Variants in GNPTAB observed in about 807,000 individuals in gnomAD.
GNPTAB encodes the protein N-acetylglucosamine-1-phosphate transferase subunits alpha and beta.
GNPTAB carries 92 observed loss-of-function variants against 136.6 expected under a neutral mutation model. The observed-to-expected ratio is 0.67, with a 90% CI of 0.57 to 0.80. The LOEUF (loss-of-function observed/expected upper bound fraction) is 0.80. GNPTAB is among the 30% of genes least tolerant of loss of function. The pLI is 0.00. For missense variants in GNPTAB, 1,343 were observed against 1,501.8 expected (o/e 0.89, Z 1.75); for synonymous variants, 512 against 535.1 (o/e 0.96, Z 0.60).
rs1295758091 is a variant in GNPTAB, at chr12:101,762,900, A to AT, written c.2716-1138dup. On this transcript the variant is annotated intron_variant, in intron 13 of 20. Coordinates refer to ENST00000299314, the MANE Select transcript of GNPTAB (RefSeq NM_024312.5). The stretch of plus-strand genomic sequence containing the variant: ...CTACTAGCCTATAATGCTTTTGTAA[A>AT]TTTAAAAAAAAAAAAAAAAAAAAAG... Among the ~76,000 whole-genome samples the AT allele has an allele frequency of 1.6e-3, 208 of 127,630 alleles. 1 individual carries two copies. Among genetic ancestry groups the AT allele is most frequent in the Admixed American group, 3.5e-3 (43 of 12,296 alleles). 83.7% of individuals were successfully genotyped at this position (127,630 alleles called of 152,430 possible).
chr12:101,770,229 G>A, intron 9 of GNPTAB, 38 bp from the exon 10 acceptor site: 1 of 1,606,802 alleles, frequency 6.2e-7, no homozygotes, highest in African/African-American at 1.3e-5. Flanking sequence ...GAGTGAATGA[G>A]AGCTGTTTGG....
rs777452855 is a variant in GNPTAB, at chr12:101,761,799, G to A, written c.2716-36C>T. On this transcript the variant is annotated intron_variant, in intron 13 of 20. Transcript: ENST00000299314. ...AATTCTACATGTAACTCAGCATTAT[G>A]TTTAGTGCACAAGTGTACTTTGTTA... 67 of 1,418,374 alleles carry A rather than the reference G, an allele frequency of 4.7e-5. No individual in the cohort carries two copies. In the Middle Eastern group the frequency reaches 1.2e-3, roughly 26 times the overall value. 87.9% of individuals were successfully genotyped at this position (1,418,374 alleles called of 1,614,324 possible). A position where few individuals can be genotyped will look rare whatever the true frequency, so the allele number is the denominator to read the frequency against.
At chr12:101,779,959 C>A in intron 7 of GNPTAB, 193 bp downstream of exon 7, 1 of 628,264 alleles carries the variant, frequency 1.6e-6, no homozygotes. Flanking sequence ...AGGAAACAAG[C>A]AAACCAAATA....
chr12:101,779,773 C>A, intron 7 of GNPTAB: 1 of 265,762 alleles, frequency 3.8e-6, no homozygotes, highest in Non-Finnish European at 7.4e-6. Flanking sequence ...ACTGCTGCAT[C>A]CCCAGCAGCT....
chr12:101,784,900 G>A (rs557518697), intron 5 of GNPTAB, among the ~76,000 whole-genome samples: 1 of 152,254 alleles, frequency 6.6e-6, no homozygotes, highest in Non-Finnish European at 1.5e-5. Flanking sequence ...ATGCAGAGGA[G>A]GAATGAGACA....
intron 12 of GNPTAB, chr12:101,765,723 CT>C (rs1398894256): frequency 5.4e-5 from 18 of 331,808 alleles, no homozygotes; most frequent in African/African-American, 3.9e-4. Context: ...AAAAAACTTT[CT>C]GCCAAAACAA....
chr12:101,801,868 C>A (rs932761149), intron 1 of GNPTAB, among the ~76,000 whole-genome samples: 2 of 151,704 alleles, frequency 1.3e-5, no homozygotes, highest in African/African-American at 4.9e-5. Flanking sequence ...CATAGTAAGA[C>A]CTTGTCTCTT....
At position 101,749,121 on chromosome 12, in the gene GNPTAB, A is replaced by G. The variant is rs776148227; in HGVS notation, c.3673T>C (p.Phe1225Leu). The change falls in exon 20 of 21, where the codon TTC (phenylalanine) becomes CTC (leucine). Residue 1225 changes from phenylalanine (F) to leucine (L), a missense_variant. Coordinates refer to ENST00000299314, the MANE Select transcript of GNPTAB (RefSeq NM_024312.5). ...VLATLIMFTI[F>L]SFFAEQLIAL... The stretch of plus-strand genomic sequence containing the variant: ...CTTACCTGCTCAGCAAAAAATGAGA[A>G]TATAGTAAACATAATCAATGTTGCT... 2.5e-6 allele frequency: 4 copies of G among 1,608,312 alleles called. No homozygotes were observed. In the East Asian group the frequency reaches 8.9e-5, roughly 36 times the overall value.
rs369274388 is a variant in GNPTAB, at chr12:101,791,368, G to A, written c.204-1311C>T. Among the ~76,000 whole-genome samples, 7 of 151,272 alleles carry A rather than the reference G, an allele frequency of 4.6e-5. No individual in the cohort carries two copies. In the East Asian group the frequency reaches 7.8e-4, roughly 17 times the overall value. On this transcript the variant is annotated intron_variant, in intron 2 of 20. Coordinates refer to ENST00000299314, the MANE Select transcript of GNPTAB (RefSeq NM_024312.5). The stretch of plus-strand genomic sequence containing the variant: ...ACTGATACTACTTTAGATCAGCAGT[G>A]TCCAATCTTTTGGCTTCCCTGGGCC...
intron 1 of GNPTAB, among the ~76,000 whole-genome samples, chr12:101,814,765 T>C (rs917961720): frequency 7.2e-5 from 11 of 152,302 alleles, no homozygotes; most frequent in African/African-American, 2.6e-4. Context: ...TCATAAATAA[T>C]AACTATATTT....
intron 20 of GNPTAB, 96 bp downstream of exon 20, chr12:101,749,005 A>G (rs1406372318): frequency 7.7e-6 from 6 of 781,242 alleles, no homozygotes; most frequent in African/African-American, 1.7e-5. Context: ...AGAAGTTAAA[A>G]TTTTGATTGT....
intron 5 of GNPTAB, among the ~76,000 whole-genome samples, chr12:101,781,705 T>A (rs756724065): frequency 6.6e-6 from 1 of 151,924 alleles, no homozygotes; most frequent in African/African-American, 2.4e-5. Flanking sequence ...AAAAACAATA[T>A]AGTTGGTGAG....
At chr12:101,798,845 A>G (rs1869449351) in intron 1 of GNPTAB, among the ~76,000 whole-genome samples, 1 of 152,186 alleles carries the variant, frequency 6.6e-6, no homozygotes, top group African/African-American at 2.4e-5. Context: ...TTTCATATTT[A>G]GTGCAATACC....
chr12:101,782,847 G>A (rs903082235), intron 5 of GNPTAB, among the ~76,000 whole-genome samples: 1 of 151,982 alleles, frequency 6.6e-6, no homozygotes. Context: ...ATACACTCCT[G>A]CCTCAGGGCC....
intron 1 of GNPTAB, among the ~76,000 whole-genome samples, chr12:101,824,430 A>ATT (rs1186690337): frequency 2.3e-4 from 18 of 78,822 alleles, no homozygotes; most frequent in South Asian, 9.8e-4. Context: ...ATATATATAT[A>ATT]TATTTTCTTT....
Position 101,764,580 on chromosome 12 carries a change from T to C in GNPTAB, c.2337A>G (p.Leu779=), listed in dbSNP as rs1953056692. The change falls in exon 13 of 21, where the codon TTA becomes TTG. Residue 779 remains leucine (L), a synonymous_variant. Coordinates refer to ENST00000299314, the MANE Select transcript of GNPTAB (RefSeq NM_024312.5). ...ACCTCTGCAATCTTTCAGACACTCC[T>C]AAGCTGTTTGGCAAGATGCTTTTAT... is the stretch of plus-strand genomic sequence containing the variant. ...QVHKSILPNS[L]GVSERLQRLT... 6.2e-7 allele frequency: 1 copy of C among 1,613,948 alleles called. No homozygotes were observed. The highest frequency in any genetic ancestry group is 1.3e-5 in the African/African-American group (1 of 74,936).
At chr12:101,786,880 G>A (rs1358183289) in intron 4 of GNPTAB, among the ~76,000 whole-genome samples, 1 of 152,126 alleles carries the variant, frequency 6.6e-6, no homozygotes, top group Non-Finnish European at 1.5e-5. Context: ...AGAAAACAAT[G>A]AGCTATCACC....
rs1566070850 is a variant in GNPTAB, at chr12:101,760,133, C to T, written c.3146G>A (p.Gly1049Asp). Residue 1049 changes from glycine (G) to aspartate (D), a missense_variant, in exon 16 of 21, where the codon GGT becomes GAT. Gly to Asp is a moderately conservative substitution (Grantham distance 94). Transcript: ENST00000299314. ...ELPLSLQDLT[G>D]LEHMLINCSK... Reference sequence around the variant, plus strand: ...GCAATTTATTAGCATGTGTTCCAGACCTGTCAAATCCTAACAAAGAAAAAG... The same window carrying T: ...GCAATTTATTAGCATGTGTTCCAGATCTGTCAAATCCTAACAAAGAAAAAG... 1.9e-6 allele frequency: 3 copies of T among 1,580,484 alleles called. No homozygotes were observed. Among genetic ancestry groups the T allele is most frequent in the Admixed American group, 1.7e-5 (1 of 59,960 alleles).
At chr12:101,752,138 T>C (rs1952828883) in intron 19 of GNPTAB, among the ~76,000 whole-genome samples, 1 of 151,980 alleles carries the variant, frequency 6.6e-6, no homozygotes, top group Non-Finnish European at 1.5e-5. Context: ...AGAATGAAAA[T>C]TAGGGCCGGA....
Sources: allele counts gnomAD v4.1 joint callset (sites outside exome capture counted in the v4.1 genomes callset), GRCh38; gene constraint gnomAD v4.1.1; transcripts MANE v1.5; gene names NCBI Gene and HGNC (gene_info 2026-07-23, HGNC 2026-07-21).